The following ADGRL2 variants were observed in gnomAD, a reference collection of about 807,000 sequenced individuals.
ADGRL2 encodes the protein calcium-independent alpha-latrotoxin receptor 2.
ADGRL2 carries 44 observed loss-of-function variants against 157.4 expected under a neutral mutation model. That is an observed-to-expected ratio of 0.28 (90% CI 0.22 to 0.36). The LOEUF is 0.36. ADGRL2 is among the 10% of genes least tolerant of loss of function. The probability of loss-of-function intolerance (pLI) is 1.00; values close to 1 mark genes in which losing one functional copy is unlikely to be tolerated. For missense variants in ADGRL2, 1,510 were observed against 1,768.9 expected (o/e 0.85, Z 2.63); for synonymous variants, 585 against 624.7 (o/e 0.94, Z 0.95).
intron 2 of ADGRL2, among the ~76,000 whole-genome samples, chr1:81,779,135 T>A (rs149943082): frequency 6.6e-6 from 1 of 152,140 alleles, no homozygotes; most frequent in East Asian, 1.9e-4. Context: ...GCCCTAGAGA[T>A]AAAGTAGTGA....
chr1:81,987,286 C>T (rs768877593), intron 22 of ADGRL2: 1 of 1,595,400 alleles, frequency 6.3e-7, no homozygotes, highest in African/African-American at 1.3e-5. Context: ...TATATTATTA[C>T]AGGACTGACA....
Position 81,955,981 on chromosome 1 carries a change from T to TA in ADGRL2, c.1939dup (p.Thr647AsnfsTer11). Reference sequence around the variant, plus strand: ...CACATACTGCAACAATGTTACTCGATACATTGGAAGAAGGAGCTTTTGTCC... The same window carrying TA: ...CACATACTGCAACAATGTTACTCGATAACATTGGAAGAAGGAGCTTTTGTCC... On this transcript the variant is annotated frameshift_variant, in exon 11 of 24. Coordinates refer to ENST00000686636, the MANE Select transcript of ADGRL2 (RefSeq NM_001366006.2). LOFTEE classifies it high-confidence loss of function. 1 of 1,610,788 alleles carries TA rather than the reference T, an allele frequency of 6.2e-7. No homozygotes were observed. The highest frequency in any genetic ancestry group is 8.5e-7 in the Non-Finnish European group (1 of 1,178,088).
chr1:81,758,054 T>C (rs112649847), intron 1 of ADGRL2, among the ~76,000 whole-genome samples: 2,742 of 152,286 alleles, frequency 0.018, 87 homozygotes, highest in African/African-American at 0.061. Context: ...GCAATTACTT[T>C]ATATTTATAA....
intron 1 of ADGRL2, among the ~76,000 whole-genome samples, chr1:81,748,023 C>T (rs2085357475): frequency 6.6e-6 from 1 of 152,246 alleles, no homozygotes; most frequent in Admixed American, 6.5e-5. Flanking sequence ...ATGGATGCTA[C>T]TAACTTCTGC....
intron 2 of ADGRL2, among the ~76,000 whole-genome samples, chr1:81,556,838 G>A (rs769001460): frequency 6.6e-6 from 1 of 151,916 alleles, no homozygotes; most frequent in African/African-American, 2.4e-5. Flanking sequence ...AGCACTTTGG[G>A]AGGCCGAGGC....
At chr1:81,762,053 G>A (rs1364770799) in intron 2 of ADGRL2, among the ~76,000 whole-genome samples, 1 of 152,080 alleles carries the variant, frequency 6.6e-6, no homozygotes, top group Non-Finnish European at 1.5e-5. Flanking sequence ...TATACTACAG[G>A]ATTTTTACAG....
chr1:81,721,510 A>G (rs949533596), intron 1 of ADGRL2, among the ~76,000 whole-genome samples: 1 of 152,134 alleles, frequency 6.6e-6, no homozygotes, highest in Admixed American at 6.5e-5. Flanking sequence ...AATCACAGCA[A>G]TTTGGGAGGC....
chr1:81,437,443 A>T (rs533557909), intron 1 of ADGRL2, among the ~76,000 whole-genome samples: 37 of 152,318 alleles, frequency 2.4e-4, no homozygotes, highest in African/African-American at 8.2e-4. Flanking sequence ...ATCCAAAGTC[A>T]TCTGGTTAAT....
chr1:81,626,299 A>T (rs979782505), intron 3 of ADGRL2, among the ~76,000 whole-genome samples: 73 of 151,914 alleles, frequency 4.8e-4, no homozygotes, highest in African/African-American at 1.7e-3. Context: ...GCTTTAATGA[A>T]CTCTATCCCT....
chr1:81,893,186 T>C (rs1045610852), intron 2 of ADGRL2, among the ~76,000 whole-genome samples: 2 of 152,186 alleles, frequency 1.3e-5, no homozygotes, highest in Non-Finnish European at 2.9e-5. Context: ...TAGTCCTTAG[T>C]CATGATGCTG....
chr1:81,557,507 AAGAAAGAAAGAAAGAAAGAG>A (rs1181321631), intron 2 of ADGRL2: 3 of 100,198 alleles, frequency 3.0e-5, no homozygotes, highest in African/African-American at 1.2e-4. Flanking sequence ...GAAAGAAAGA[AAGAAAGAAAGAAAGAAAGAG>A]AAGAAAGAAA....
intron 2 of ADGRL2, among the ~76,000 whole-genome samples, chr1:81,561,964 A>T (rs902979581): frequency 6.6e-6 from 1 of 152,204 alleles, no homozygotes; most frequent in Non-Finnish European, 1.5e-5. Flanking sequence ...AAAAAACAAA[A>T]GTTAGCATCA....
chr1:81,711,547 A>T (rs984705456), intron 1 of ADGRL2, among the ~76,000 whole-genome samples: 23 of 152,290 alleles, frequency 1.5e-4, no homozygotes, highest in Non-Finnish European at 3.4e-4. Flanking sequence ...TTTTAAAAAG[A>T]CATACTTAAA....
chr1:81,359,206 G>A (rs1417603470), intron 1 of ADGRL2, among the ~76,000 whole-genome samples: 1 of 152,062 alleles, frequency 6.6e-6, no homozygotes, highest in Non-Finnish European at 1.5e-5. Flanking sequence ...CAATAAATGA[G>A]CAGGCCTTAA....
intron 2 of ADGRL2, among the ~76,000 whole-genome samples, chr1:81,857,263 A>G (rs2093234125): frequency 6.6e-6 from 1 of 152,200 alleles, no homozygotes; most frequent in Non-Finnish European, 1.5e-5. Flanking sequence ...AATAATGGAA[A>G]TCCATTTTTA....
chr1:81,456,065 C>G (rs1309320149), intron 2 of ADGRL2, among the ~76,000 whole-genome samples: 2 of 152,094 alleles, frequency 1.3e-5, no homozygotes, highest in Non-Finnish European at 2.9e-5. Flanking sequence ...TTGGAAGGGT[C>G]TTAGTAATTA....
At chr1:81,837,339 A>G (rs1048359215) in intron 2 of ADGRL2, among the ~76,000 whole-genome samples, 3 of 152,014 alleles carry the variant, frequency 2.0e-5, no homozygotes, top group Non-Finnish European at 4.4e-5. Flanking sequence ...GTTTTGGTAT[A>G]CATTTTACAT....
At chr1:81,832,289 G>A (rs939935145) in intron 1 of ADGRL2, among the ~76,000 whole-genome samples, 1 of 152,026 alleles carries the variant, frequency 6.6e-6, no homozygotes, top group African/African-American at 2.4e-5. Context: ...TTACAGGCAT[G>A]CACCACCATG....
chr1:81,804,261 AAG>A (rs2149527444), intron 1 of ADGRL2, among the ~76,000 whole-genome samples: 1 of 152,300 alleles, frequency 6.6e-6, no homozygotes, highest in African/African-American at 2.4e-5. Context: ...GCATAATAGA[AAG>A]AATACTACAG....
Sources: gnomAD v4.1 joint callset for allele counts (sites outside exome capture counted in the v4.1 genomes callset) on GRCh38, gnomAD v4.1.1 for gene constraint, MANE v1.5 for transcripts, NCBI Gene and HGNC (gene_info 2026-07-23, HGNC 2026-07-21) for gene names.